The following NRG2 variants were observed in gnomAD, a reference collection of about 807,000 sequenced individuals.
The protein encoded by NRG2 is pro-neuregulin-2, membrane-bound isoform.
Under a neutral mutation model 73.9 loss-of-function variants are expected in NRG2, and 27 were observed. The ratio of observed to expected loss-of-function variants is 0.37; its 90% CI spans 0.27 to 0.50. The LOEUF is 0.50. Among genes scored for constraint, NRG2 ranks in the 20% least tolerant of loss-of-function variants. The pLI, the probability that NRG2 is intolerant of heterozygous loss-of-function variation, is 0.96. For missense variants in NRG2, 1,126 were observed against 1,210.1 expected, an observed-to-expected ratio of 0.93 and a Z score of 1.03; for synonymous variants, 532 against 541.0, an observed-to-expected ratio of 0.98 and a Z score of 0.23.
intron 5 of NRG2, among the ~76,000 whole-genome samples, chr5:139,859,197 C>T (rs921983528): frequency 6.6e-6 from 1 of 152,072 alleles, no homozygotes. Flanking sequence ...TAGCAGGTGG[C>T]AGGAGGACAT....
At chr5:139,929,669 A>C (rs758044856) in intron 1 of NRG2, among the ~76,000 whole-genome samples, 2 of 152,166 alleles carry the variant, frequency 1.3e-5, no homozygotes, top group East Asian at 3.9e-4. Flanking sequence ...CCAAAAGGCT[A>C]TCTGTAGGTC....
intron 1 of NRG2, among the ~76,000 whole-genome samples, chr5:139,990,259 C>T (rs1277432003): frequency 6.6e-6 from 1 of 151,150 alleles, no homozygotes; most frequent in East Asian, 1.9e-4. Flanking sequence ...CACCAGTTTA[C>T]ATTCCCACTA....
In NRG2 at chr5:140,008,400, T is replaced by C. The variant is rs1418653029; in HGVS notation, c.700+33970A>G. Among the ~76,000 whole-genome samples, 1 of 152,228 alleles carries C rather than the reference T, an allele frequency of 6.6e-6. No individual in the cohort carries two copies. The highest frequency in any genetic ancestry group is 2.4e-5 in the African/African-American group (1 of 41,468). Reference sequence around the variant, plus strand: ...ACAAATATTTATTGAGCACCTATTATGTGCCAGAAACTGAACTAGGTAATG... The same window carrying C: ...ACAAATATTTATTGAGCACCTATTACGTGCCAGAAACTGAACTAGGTAATG... On this transcript the variant is annotated intron_variant, in intron 1 of 9. Coordinates refer to ENST00000361474, the MANE Select transcript of NRG2 (RefSeq NM_004883.3). This position sits in a 1 kb window ranked among gnomAD's most constrained non-coding sequence, Gnocchi z 4.2.
At chr5:140,030,366 T>C (rs1374094083) in intron 1 of NRG2, among the ~76,000 whole-genome samples, 1 of 152,132 alleles carries the variant, frequency 6.6e-6, no homozygotes, top group African/African-American at 2.4e-5. Flanking sequence ...TCAAAACCAA[T>C]GCCTTTAACT....
chr5:140,043,140 G>A lies in NRG2; in HGVS notation c.-71C>T, dbSNP rs1361448898. On this transcript the variant is annotated 5_prime_UTR_variant, in exon 1 of 10. Coordinates refer to ENST00000361474, the MANE Select transcript of NRG2 (RefSeq NM_004883.3). This position sits in a 1 kb window ranked among gnomAD's most constrained non-coding sequence, Gnocchi z 6.7. ...TTGGGAGGGGAAACAGAGCCCGCTG[G>A]AAAACCGGAAACAGCGTAACGTTAG... The A allele has an allele frequency of 2.6e-6, 4 of 1,523,216 alleles. No homozygotes were observed. The African/African-American group carries it at 5.6e-5, about 21-fold the overall frequency. The allele number at this position is 1,523,216 out of a possible 1,614,324, so 94.4% of individuals were successfully genotyped here. A position where few individuals can be genotyped will look rare whatever the true frequency, so the allele number is the denominator to read the frequency against.
chr5:140,039,586 G>A (rs148164486), intron 1 of NRG2, among the ~76,000 whole-genome samples: 4 of 152,190 alleles, frequency 2.6e-5, no homozygotes, highest in Non-Finnish European at 2.9e-5. Context: ...TGGTGGAAAC[G>A]AGCCATTTAT....
intron 1 of NRG2, among the ~76,000 whole-genome samples, chr5:139,986,955 G>C (rs1176100839): frequency 6.6e-6 from 1 of 152,112 alleles, no homozygotes; most frequent in East Asian, 1.9e-4. Flanking sequence ...TCCCAGGTTT[G>C]TTAGAAATCC....
At chr5:140,010,783 C>G (rs1759302942) in intron 1 of NRG2, among the ~76,000 whole-genome samples, 1 of 152,188 alleles carries the variant, frequency 6.6e-6, no homozygotes, top group African/African-American at 2.4e-5. Flanking sequence ...GTATTGGGTA[C>G]TTTAGTTATA....
intron 1 of NRG2, among the ~76,000 whole-genome samples, chr5:139,935,566 G>A (rs893491628): frequency 4.6e-5 from 7 of 151,936 alleles, no homozygotes; most frequent in African/African-American, 1.7e-4. Flanking sequence ...AAAGATATAT[G>A]GAAAAGCACC....
intron 1 of NRG2, among the ~76,000 whole-genome samples, chr5:139,963,734 T>C (rs1267403564): frequency 6.6e-6 from 1 of 152,072 alleles, no homozygotes; most frequent in Non-Finnish European, 1.5e-5. Context: ...GACTCTAGAG[T>C]CCACCTTCCT....
intron 3 of NRG2, among the ~76,000 whole-genome samples, chr5:139,874,784 T>C (rs1366274520): frequency 6.6e-6 from 1 of 152,176 alleles, no homozygotes; most frequent in African/African-American, 2.4e-5. Context: ...CCACTTCATC[T>C]CCCATCTTTC....
At chr5:140,012,583 C>T (rs1392919219) in intron 1 of NRG2, among the ~76,000 whole-genome samples, 2 of 152,092 alleles carry the variant, frequency 1.3e-5, no homozygotes, top group East Asian at 3.9e-4. Context: ...CTTGTTATTA[C>T]CAAGAAATGC....
Position 139,887,212 on chromosome 5 carries a change from A to G in NRG2, c.872+128T>C. ...AGTGGCAAGGAAGGGGAGTATGGAG[A>G]GGGGCTGGGACTGGTTCCATGGGTG... On this transcript the variant is annotated intron_variant, in intron 2 of 9. Transcript: ENST00000361474. This position sits in a 1 kb window ranked among gnomAD's most constrained non-coding sequence, Gnocchi z 4.5. 1 of 1,063,204 alleles carries G rather than the reference A, an allele frequency of 9.4e-7. No individual in the cohort carries two copies. The highest frequency in any genetic ancestry group is 2.4e-5 in the East Asian group (1 of 42,080). 65.9% of individuals were successfully genotyped at this position (1,063,204 alleles called of 1,614,324 possible).
chr5:139,890,925 G>T (rs1453944625), intron 1 of NRG2, among the ~76,000 whole-genome samples: 1 of 152,228 alleles, frequency 6.6e-6, no homozygotes, highest in Non-Finnish European at 1.5e-5. Context: ...ACCTGGTGAT[G>T]ATCTAACCTC....
Position 139,851,769 on chromosome 5 carries a change from C to G in NRG2, c.1607G>C (p.Gly536Ala). 1 of 1,614,238 alleles carries G rather than the reference C, an allele frequency of 6.2e-7. No homozygotes were observed. Among genetic ancestry groups the G allele is most frequent in the East Asian group, 2.2e-5 (1 of 44,886 alleles). Residue 536 changes from glycine (G) to alanine (A), a missense_variant, in exon 9 of 10, where the codon GGG (glycine) becomes GCG (alanine). Around this residue, in one of 3 missense-constraint regions of NRG2, gnomAD observed 539 missense variants for 703.2 expected, o/e 0.77. Transcript: ENST00000361474. The surrounding 1 kb of genome is among the most constrained non-coding windows in gnomAD (Gnocchi z 4.2). The part of the protein sequence containing the change: ...SESLTSDSQS[G>A]IMLSSVGTSK... ...GGTACCCACTGATGATAGCATGATCCCCGACTGGGAGTCAGAAGTCAGGCT... is the reference window on the plus strand; with the variant it reads ...GGTACCCACTGATGATAGCATGATCGCCGACTGGGAGTCAGAAGTCAGGCT...
At chr5:139,967,696 G>C (rs753212411) in intron 1 of NRG2, among the ~76,000 whole-genome samples, 20 of 152,148 alleles carry the variant, frequency 1.3e-4, no homozygotes, top group African/African-American at 4.8e-4. Context: ...GAACAGGGCC[G>C]GGCACAATGG....
chr5:139,999,216 T>C (rs1382406086), intron 1 of NRG2, among the ~76,000 whole-genome samples: 1 of 152,190 alleles, frequency 6.6e-6, no homozygotes, highest in Non-Finnish European at 1.5e-5. Flanking sequence ...TAATAACAGT[T>C]TATCCTCTAT....
At chr5:140,034,948 G>A (rs997260433) in intron 1 of NRG2, among the ~76,000 whole-genome samples, 5 of 152,198 alleles carry the variant, frequency 3.3e-5, no homozygotes, top group Admixed American at 1.3e-4. Flanking sequence ...TAGGCTGGAC[G>A]CAGTGGCTCA....
rs1761146115 is a variant in NRG2, at chr5:139,848,284, G to C, written c.2186C>G (p.Ala729Gly). Residue 729 changes from alanine (A) to glycine (G), a missense_variant, in exon 10 of 10, where the codon GCG becomes GGG. Coordinates refer to ENST00000361474, the MANE Select transcript of NRG2 (RefSeq NM_004883.3). The part of the protein sequence containing the change: ...CAPPPPPRPR[A>G]RGASRRTSAG... ...CGACGTCCTGCGGGACGCACCGCGC[G>C]CGCGCGGCCGCGGCGGCGGCGGGGG... The C allele has an allele frequency of 8.9e-6, 10 of 1,120,630 alleles. No homozygotes were observed. Among genetic ancestry groups the C allele is most frequent in the Non-Finnish European group, 1.1e-5 (10 of 918,322 alleles). 69.4% of individuals were successfully genotyped at this position (1,120,630 alleles called of 1,614,324 possible). A position where few individuals can be genotyped will look rare whatever the true frequency, so the allele number is the denominator to read the frequency against.
Sources: gnomAD v4.1 joint callset for allele counts (sites outside exome capture counted in the v4.1 genomes callset) on GRCh38, gnomAD v4.1.1 for gene constraint, gnomAD v4.1.1 regional missense constraint, Gnocchi (gnomAD v3.1) non-coding constraint, MANE v1.5 for transcripts, NCBI Gene and HGNC (gene_info 2026-07-23, HGNC 2026-07-21) for gene names.